CFTR: variants seen among roughly 807,000 people sequenced by gnomAD.
CFTR encodes CF transmembrane conductance regulator.
In CFTR, 181 loss-of-function variants were observed where a neutral mutation model predicts 171.6. The ratio of observed to expected loss-of-function variants is 1.05; its 90% confidence interval spans 0.93 to 1.19. The LOEUF (loss-of-function observed/expected upper bound fraction) is 1.19, where lower values mean the gene tolerates loss of function less well. Among genes scored for constraint, CFTR ranks in the 50% most tolerant of loss-of-function variants. CFTR has a pLI of 0.00. For missense variants in CFTR, 1,968 were observed against 1,734.7 expected (o/e 1.13, Z -2.39); for synonymous variants, 583 against 608.0 (o/e 0.96, Z 0.60).
chr7:117,549,360 C>T (rs1799229803), intron 10 of CFTR, among the ~76,000 whole-genome samples: 1 of 152,146 alleles, frequency 6.6e-6, no homozygotes, highest in African/African-American at 2.4e-5. Context: ...ATCCTCTTCT[C>T]CATATCCCAC....
rs139322772 is a variant in CFTR, at chr7:117,627,740, C to T, written c.3687C>T (p.Asn1229=). The change falls in exon 22 of 27, where the codon AAC becomes AAT. Residue 1229 remains asparagine, a synonymous_variant. Transcript: ENST00000003084. The part of the protein sequence containing the change: ...YTEGGNAILE[N]ISFSISPGQR... ...AAGGTGGAAATGCCATATTAGAGAA[C>T]ATTTCCTTCTCAATAAGTCCTGGCC... 1 of 1,612,636 alleles carries T rather than the reference C, an allele frequency of 6.2e-7. No homozygotes were observed. Among genetic ancestry groups the T allele is most frequent in the Non-Finnish European group, 8.5e-7 (1 of 1,179,432 alleles).
chr7:117,621,195 G>A (rs1371638536), intron 21 of CFTR, among the ~76,000 whole-genome samples: 1 of 152,138 alleles, frequency 6.6e-6, no homozygotes, highest in Non-Finnish European at 1.5e-5. Context: ...CAGGGTGACT[G>A]AGCATGATGT....
chr7:117,612,025 A>ATATATATATATATATATATATATATG lies in CFTR; in HGVS notation c.3367+242_3367+243insGTATATATATATATATATATATATAT, dbSNP rs1792403834. 1.9e-4 allele frequency among the ~76,000 whole-genome samples: 8 copies of ATATATATATATATATATATATATATG among 42,608 alleles called. 1 individual carries two copies. Among genetic ancestry groups the ATATATATATATATATATATATATATG allele is most frequent in the Non-Finnish European group, 3.3e-4 (8 of 24,348 alleles). 28.0% of individuals were successfully genotyped at this position (42,608 alleles called of 152,430 possible). A position where few individuals can be genotyped will look rare whatever the true frequency, so the allele number is the denominator to read the frequency against. ...AAATCGGATATATATATATATATGT[A>ATATATATATATATATATATATATATG]TATATATATATATATATATATATAT... On this transcript the variant is annotated intron_variant, in intron 20 of 26. Transcript: ENST00000003084.
In CFTR at chr7:117,612,140, G is replaced by A. The variant is rs538311520; in HGVS notation, c.3367+332G>A. Among the ~76,000 whole-genome samples, 10 of 146,140 alleles carry A rather than the reference G, an allele frequency of 6.8e-5. No individual in the cohort carries two copies. The South Asian group carries it at 1.9e-3, about 28-fold the overall frequency. ...TCAGATAGCAATTCTGTGATTGAAG[G>A]GGAAATATGTCACCTCTTCATACTC... On this transcript the variant is annotated intron_variant, in intron 20 of 26. Coordinates refer to ENST00000003084, the MANE Select transcript of CFTR (RefSeq NM_000492.4).
chr7:117,658,049 A>G (rs1793210580), intron 24 of CFTR, among the ~76,000 whole-genome samples: 1 of 152,126 alleles, frequency 6.6e-6, no homozygotes, highest in South Asian at 2.1e-4. Context: ...CAGTCTGCCT[A>G]TCATTTGATG....
intron 11 of CFTR, among the ~76,000 whole-genome samples, chr7:117,576,904 C>T (rs760003803): frequency 2.6e-4 from 39 of 152,036 alleles, no homozygotes; most frequent in Non-Finnish European, 5.0e-4. Flanking sequence ...ATATTGCCTG[C>T]AATAATTAAG....
intron 10 of CFTR, among the ~76,000 whole-genome samples, chr7:117,557,918 G>A (rs1799386044): frequency 6.6e-6 from 1 of 151,948 alleles, no homozygotes; most frequent in Non-Finnish European, 1.5e-5. Flanking sequence ...TATATACTTT[G>A]GAATTTGTTA....
At chr7:117,480,313 A>G (rs1490699731) in intron 1 of CFTR, among the ~76,000 whole-genome samples, 166 bp downstream of exon 1, 1 of 152,236 alleles carries the variant, frequency 6.6e-6, no homozygotes, top group Middle Eastern at 3.2e-3. Flanking sequence ...AACAGAAAGC[A>G]TTAAGAAGAG....
At chr7:117,661,659 GTA>G (rs1415474845) in intron 24 of CFTR, among the ~76,000 whole-genome samples, 1 of 152,142 alleles carries the variant, frequency 6.6e-6, no homozygotes, top group Non-Finnish European at 1.5e-5. Context: ...TCACACAAAG[GTA>G]GTGTTTCAGT....
intron 6 of CFTR, 47 bp downstream of exon 6, chr7:117,535,458 CA>C (rs769071061): frequency 2.6e-6 from 4 of 1,555,406 alleles, no homozygotes; most frequent in Non-Finnish European, 3.5e-6. Context: ...ATTATGTTTT[CA>C]AAAAGCCCAC....
chr7:117,553,594 T>G (rs1799306147), intron 10 of CFTR, among the ~76,000 whole-genome samples: 2 of 152,204 alleles, frequency 1.3e-5, no homozygotes, highest in South Asian at 4.1e-4. Flanking sequence ...AAAAAGTTTC[T>G]CATCTTATAG....
At chr7:117,642,710 T>A (rs10155917) in intron 23 of CFTR, 117 bp downstream of exon 23, 1 of 1,141,562 alleles carries the variant, frequency 8.8e-7, no homozygotes, top group African/African-American at 1.6e-5. Context: ...TATGCATTGC[T>A]GTCTTTTTTC....
chr7:117,540,200 C>G lies in CFTR; in HGVS notation c.970C>G (p.Pro324Ala), dbSNP rs867392195. 1.2e-6 allele frequency: 2 copies of G among 1,613,856 alleles called. No individual in the cohort carries two copies. The highest frequency in any genetic ancestry group is 1.7e-5 in the Admixed American group (1 of 59,974). ...GFFVVFLSVLPYALIKGIILR... is the reference protein window; with the variant it reads ...GFFVVFLSVLAYALIKGIILR... ...CTTTGTGGTGTTTTTATCTGTGCTT[C>G]CCTATGCACTAATCAAAGGAATCAT... The change falls in exon 8 of 27, where the codon CCC becomes GCC. Residue 324 changes from proline (P) to alanine (A), a missense_variant. Pro to Ala is a conservative substitution (Grantham distance 27). Coordinates refer to ENST00000003084, the MANE Select transcript of CFTR (RefSeq NM_000492.4).
chr7:117,576,890 G>A (rs981459484), intron 11 of CFTR, among the ~76,000 whole-genome samples: 31 of 152,026 alleles, frequency 2.0e-4, no homozygotes, highest in Non-Finnish European at 3.5e-4. Flanking sequence ...TCACTGCTTG[G>A]AACATATTGC....
At chr7:117,490,627 C>T (rs538828827) in intron 1 of CFTR, among the ~76,000 whole-genome samples, 1 of 152,132 alleles carries the variant, frequency 6.6e-6, no homozygotes, top group Admixed American at 6.6e-5. Flanking sequence ...CAAAAACACC[C>T]ACCCAGTTGA....
intron 3 of CFTR, among the ~76,000 whole-genome samples, chr7:117,516,017 A>G (rs1461224056): frequency 6.6e-6 from 1 of 152,118 alleles, no homozygotes; most frequent in Admixed American, 6.6e-5. Context: ...AACCAAATCT[A>G]TTTTCAAATT....
At chr7:117,600,957 T>C (rs1375927490) in intron 15 of CFTR, among the ~76,000 whole-genome samples, 3 of 152,080 alleles carry the variant, frequency 2.0e-5, no homozygotes, top group African/African-American at 7.2e-5. Flanking sequence ...CAGTTTAGGT[T>C]GGTAGTTCTA....
intron 21 of CFTR, among the ~76,000 whole-genome samples, chr7:117,624,311 T>C (rs1379487249): frequency 1.3e-5 from 2 of 152,144 alleles, no homozygotes; most frequent in Non-Finnish European, 2.9e-5. Flanking sequence ...CTGATGTTCC[T>C]ATGTGACCTA....
intron 11 of CFTR, among the ~76,000 whole-genome samples, chr7:117,586,627 T>C (rs894873651): frequency 2.0e-5 from 3 of 152,182 alleles, no homozygotes; most frequent in Non-Finnish European, 1.5e-5. Context: ...AGTAACCATT[T>C]TGATACTTTA....
Sources: allele counts gnomAD v4.1 joint callset (sites outside exome capture counted in the v4.1 genomes callset), GRCh38; gene constraint gnomAD v4.1.1; transcripts MANE v1.5; gene names NCBI Gene and HGNC (gene_info 2026-07-23, HGNC 2026-07-21).